The following STAU2 variants were observed in gnomAD, a reference collection of about 807,000 sequenced individuals.
The protein encoded by STAU2 is staufen double-stranded RNA binding protein 2, also known as double-stranded RNA-binding protein Staufen homolog 2.
STAU2 carries 20 observed loss-of-function variants against 65.9 expected under a neutral mutation model. The ratio of observed to expected loss-of-function variants is 0.30; its 90% confidence interval spans 0.21 to 0.44. STAU2 has a LOEUF of 0.44. STAU2 is among the 20% of genes least tolerant of loss of function. The pLI is 1.00. For missense variants in STAU2, 558 were observed against 683.9 expected (o/e 0.82, Z 2.05); for synonymous variants, 232 against 233.9 (o/e 0.99, Z 0.07).
intron 6 of STAU2, among the ~76,000 whole-genome samples, chr8:73,621,371 A>C (rs547841874): frequency 6.6e-6 from 1 of 152,326 alleles, no homozygotes; most frequent in South Asian, 2.1e-4. Context: ...CCAGCCATGC[A>C]GAACTGTCAG....
chr8:73,626,467 G>A (rs1440502340), intron 6 of STAU2, among the ~76,000 whole-genome samples: 1 of 152,160 alleles, frequency 6.6e-6, no homozygotes, highest in South Asian at 2.1e-4. Context: ...AAGCAGGAAA[G>A]TGGCACAATC....
At chr8:73,470,061 T>C (rs1819901414) in intron 13 of STAU2, among the ~76,000 whole-genome samples, 1 of 152,204 alleles carries the variant, frequency 6.6e-6, no homozygotes, top group Admixed American at 6.5e-5. Flanking sequence ...AACCTTAGTT[T>C]CTTTTTAAAC....
intron 3 of STAU2, among the ~76,000 whole-genome samples, chr8:73,737,178 T>C (rs2130773549): frequency 6.6e-6 from 1 of 151,418 alleles, no homozygotes; most frequent in South Asian, 2.1e-4. Context: ...AGATTACTTT[T>C]GTTTTTTTTT....
intron 13 of STAU2, among the ~76,000 whole-genome samples, chr8:73,508,032 T>G (rs1054281965): frequency 6.6e-5 from 10 of 152,220 alleles, no homozygotes; most frequent in African/African-American, 2.4e-4. Context: ...TGGTTTGATC[T>G]TCTGTCCAGA....
intron 1 of STAU2, among the ~76,000 whole-genome samples, chr8:73,745,613 T>C (rs1431987539): frequency 6.6e-6 from 1 of 152,198 alleles, no homozygotes; most frequent in Non-Finnish European, 1.5e-5. Context: ...CAATTAACAG[T>C]AAAATATCTT....
intron 13 of STAU2, among the ~76,000 whole-genome samples, chr8:73,423,060 C>T (rs535122032): frequency 6.6e-6 from 1 of 152,324 alleles, no homozygotes; most frequent in African/African-American, 2.4e-5. Context: ...GGTGTGACAT[C>T]CAAATTTTCC....
intron 12 of STAU2, among the ~76,000 whole-genome samples, chr8:73,573,702 T>C (rs1157741653): frequency 6.6e-6 from 1 of 152,194 alleles, no homozygotes; most frequent in East Asian, 1.9e-4. Context: ...TAGCCATATG[T>C]AGAAAGCTGA....
At chr8:73,591,279 GACC>G (rs141037541) in intron 11 of STAU2, among the ~76,000 whole-genome samples, 3,073 of 151,916 alleles carry the variant, frequency 0.02, 80 homozygotes, top group African/African-American at 0.066. Flanking sequence ...TAACCTATGT[GACC>G]ACAATAGAGG....
chr8:73,720,969 C>A (rs1158093688), intron 3 of STAU2, among the ~76,000 whole-genome samples: 1 of 151,012 alleles, frequency 6.6e-6, no homozygotes, highest in Non-Finnish European at 1.5e-5. Context: ...GACTTGAATC[C>A]TTTTGAATTC....
intron 9 of STAU2, among the ~76,000 whole-genome samples, chr8:73,606,320 G>A (rs998001367): frequency 1.3e-5 from 2 of 151,874 alleles, no homozygotes; most frequent in Non-Finnish European, 2.9e-5. Context: ...GAAAATATTT[G>A]CAAAGTACAT....
At chr8:73,638,685 T>C (rs753190880) in intron 6 of STAU2, among the ~76,000 whole-genome samples, 29 of 152,000 alleles carry the variant, frequency 1.9e-4, no homozygotes, top group Non-Finnish European at 8.8e-5. Flanking sequence ...ACCTCTGTTA[T>C]TACTGTCCAA....
In STAU2 at chr8:73,602,903, C is replaced by A. The variant is rs548747500; in HGVS notation, c.1029+823G>T. Among the ~76,000 whole-genome samples the A allele has an allele frequency of 3.0e-4, 45 of 152,020 alleles. 1 individual carries two copies. The South Asian group carries it at 9.3e-3, about 32-fold the overall frequency. On this transcript the variant is annotated intron_variant, in intron 10 of 14. Transcript: ENST00000524300. ...GAAATGACATGTAGTTAGAAATTAT[C>A]TTTGAAATACTTCAGTAAAAGAAGA... is the stretch of plus-strand genomic sequence containing the variant.
intron 4 of STAU2, among the ~76,000 whole-genome samples, chr8:73,708,489 C>T (rs1021388295): frequency 6.6e-6 from 1 of 151,728 alleles, no homozygotes; most frequent in African/African-American, 2.4e-5. Context: ...AAATTGCTTT[C>T]CATTTAAAAA....
At chr8:73,648,326 A>G (rs1306078239) in intron 6 of STAU2, among the ~76,000 whole-genome samples, 5 of 152,230 alleles carry the variant, frequency 3.3e-5, no homozygotes, top group African/African-American at 1.2e-4. Context: ...AAAATACCCA[A>G]TAACAAAATT....
chr8:73,530,048 A>G (rs1403247389), intron 13 of STAU2, among the ~76,000 whole-genome samples: 1 of 152,134 alleles, frequency 6.6e-6, no homozygotes, highest in East Asian at 1.9e-4. Flanking sequence ...TGCTGTTTGG[A>G]GTATAGATAT....
chr8:73,648,025 G>A (rs1815520870), intron 6 of STAU2, among the ~76,000 whole-genome samples: 1 of 152,168 alleles, frequency 6.6e-6, no homozygotes, highest in African/African-American at 2.4e-5. Context: ...ACCAATGGGG[G>A]AGACTGAGTG....
chr8:73,632,921 T>C (rs1814205483), intron 6 of STAU2, among the ~76,000 whole-genome samples: 1 of 152,184 alleles, frequency 6.6e-6, no homozygotes, highest in South Asian at 2.1e-4. Context: ...TTAGACCTCA[T>C]AGTTCCTCAA....
chr8:73,689,687 A>G (rs1805540344), intron 4 of STAU2, among the ~76,000 whole-genome samples: 1 of 152,180 alleles, frequency 6.6e-6, no homozygotes, highest in Admixed American at 6.5e-5. Flanking sequence ...TTCACTCCAG[A>G]CTGCATATTA....
At chr8:73,457,298 A>G (rs907997142) in intron 13 of STAU2, among the ~76,000 whole-genome samples, 6 of 152,108 alleles carry the variant, frequency 3.9e-5, no homozygotes, top group African/African-American at 1.4e-4. Context: ...AATCCAATAC[A>G]CTGCAGGTTG....
Sources: gnomAD v4.1 joint callset for allele counts (sites outside exome capture counted in the v4.1 genomes callset) on GRCh38, gnomAD v4.1.1 for gene constraint, MANE v1.5 for transcripts, NCBI Gene and HGNC (gene_info 2026-07-23, HGNC 2026-07-21) for gene names.